GABRA4: variants seen among roughly 807,000 people sequenced by gnomAD.
GABRA4 encodes the protein gamma-aminobutyric acid type A receptor subunit alpha4.
GABRA4 carries 12 observed loss-of-function variants against 49.7 expected under a neutral mutation model. The ratio of observed to expected loss-of-function variants is 0.24; its 90% CI spans 0.15 to 0.39. The LOEUF (loss-of-function observed/expected upper bound fraction) is 0.39. Ranked by LOEUF, GABRA4 falls within the 10% of genes least tolerant of loss-of-function variation. GABRA4 has a pLI of 1.00. For synonymous variants in GABRA4, 288 were observed against 240.2 expected, an observed-to-expected ratio of 1.20 and a Z score of -1.84; for missense variants, 506 against 686.0, an observed-to-expected ratio of 0.74 and a Z score of 2.93.
chr4:46,921,953 C>T lies in GABRA4; in HGVS notation c.*6272G>A, dbSNP rs1297026795. ...GATTTCAATAAGTATCATTATCCTG[C>T]GATGTTTCAAACAAAGATGGTTTGT... is the stretch of plus-strand genomic sequence containing the variant. On this transcript the variant is annotated 3_prime_UTR_variant, in exon 9 of 9. Coordinates refer to ENST00000264318, the MANE Select transcript of GABRA4 (RefSeq NM_000809.4). 1.3e-5 allele frequency: 2 copies of T among 151,808 alleles called. No individual in the cohort carries two copies. Among genetic ancestry groups the T allele is most frequent in the Admixed American group, 6.6e-5 (1 of 15,216 alleles). The allele number at this position is 151,808 out of a possible 1,614,324, so 9.4% of individuals were successfully genotyped here.
chr4:46,962,728 C>G (rs138090395), intron 8 of GABRA4, among the ~76,000 whole-genome samples: 2 of 151,874 alleles, frequency 1.3e-5, no homozygotes, highest in African/African-American at 4.8e-5. Context: ...CTGTAATAAT[C>G]AAAACAACAT....
intron 8 of GABRA4, among the ~76,000 whole-genome samples, chr4:46,948,667 T>C (rs576880817): frequency 1.3e-5 from 2 of 152,256 alleles, no homozygotes; most frequent in African/African-American, 4.8e-5. Flanking sequence ...CTACCCCAAA[T>C]GTAACACTTG....
intron 8 of GABRA4, among the ~76,000 whole-genome samples, chr4:46,948,300 A>G (rs1722051663): frequency 6.6e-6 from 1 of 152,078 alleles, no homozygotes; most frequent in Non-Finnish European, 1.5e-5. Flanking sequence ...TTGGAAACCT[A>G]TTAAACTTTA....
chr4:46,963,722 A>G (rs10024828), intron 8 of GABRA4, among the ~76,000 whole-genome samples: 79,099 of 151,732 alleles, frequency 0.52, 20,948 homozygotes, highest in East Asian at 0.7. Flanking sequence ...ATCACTGATC[A>G]TCAGAGAAAT....
chr4:46,972,496 A>G (rs1025668143), intron 6 of GABRA4, among the ~76,000 whole-genome samples: 2 of 151,644 alleles, frequency 1.3e-5, no homozygotes, highest in African/African-American at 2.4e-5. Context: ...ATACAGCTTG[A>G]TGAGTTTGGA....
At chr4:46,962,106 C>T in intron 8 of GABRA4, among the ~76,000 whole-genome samples, 1 of 151,842 alleles carries the variant, frequency 6.6e-6, no homozygotes, top group Non-Finnish European at 1.5e-5. Context: ...AACTATCTAA[C>T]TTCTTGCTTA....
chr4:46,935,904 A>ATAAAT lies in GABRA4; in HGVS notation c.1135-7154_1135-7150dup, dbSNP rs534483243. Among the ~76,000 whole-genome samples, 558 of 152,338 alleles carry ATAAAT rather than the reference A, an allele frequency of 3.7e-3. 3 individuals carry two copies. The highest frequency in any genetic ancestry group is 0.012 in the African/African-American group (513 of 41,586). ...TGGTGACAATGAGAAATAAATACAA[A>ATAAAT]TAAATACAAAATGCAATAGAAAAAT... On this transcript the variant is annotated intron_variant, in intron 8 of 8. Transcript: ENST00000264318.
At chr4:46,930,020 T>C (rs1721375350) in intron 8 of GABRA4, among the ~76,000 whole-genome samples, 1 of 152,140 alleles carries the variant, frequency 6.6e-6, no homozygotes, top group Non-Finnish European at 1.5e-5. Context: ...TTTTTTAGTA[T>C]ACTCATCTAG....
chr4:46,928,991 ATAAT>A (rs1209482377), intron 8 of GABRA4, among the ~76,000 whole-genome samples: 1 of 152,084 alleles, frequency 6.6e-6, no homozygotes, highest in African/African-American at 2.4e-5. Context: ...ATTCTTATAA[ATAAT>A]TAAACCTTAA....
Position 46,927,340 on chromosome 4 carries a change from T to C in GABRA4, c.*885A>G, listed in dbSNP as rs554949203. ...AGGCTGAAAAATATTTTGAATATGT[T>C]GTCAGACTCTAAATAAATGTCCTTC... On this transcript the variant is annotated 3_prime_UTR_variant, in exon 9 of 9. Coordinates refer to ENST00000264318, the MANE Select transcript of GABRA4 (RefSeq NM_000809.4). The C allele has an allele frequency of 2.0e-5, 3 of 152,616 alleles. No homozygotes were observed. Among genetic ancestry groups the C allele is most frequent in the Non-Finnish European group, 4.4e-5 (3 of 67,976 alleles). The allele number at this position is 152,616 out of a possible 1,614,324, so 9.5% of individuals were successfully genotyped here.
intron 8 of GABRA4, among the ~76,000 whole-genome samples, chr4:46,948,879 T>C (rs1722069159): frequency 6.6e-6 from 1 of 152,088 alleles, no homozygotes; most frequent in Non-Finnish European, 1.5e-5. Context: ...ACCTTCATAT[T>C]TGTGATTTTA....
At chr4:46,991,142 C>T (rs540911542) in intron 2 of GABRA4, among the ~76,000 whole-genome samples, 20 of 152,172 alleles carry the variant, frequency 1.3e-4, no homozygotes, top group African/African-American at 4.1e-4. Context: ...GCCGAGATCA[C>T]GCCATTGCAC....
At chr4:46,965,725 C>A (rs1722730639) in intron 7 of GABRA4, among the ~76,000 whole-genome samples, 1 of 151,796 alleles carries the variant, frequency 6.6e-6, no homozygotes, top group African/African-American at 2.4e-5. Flanking sequence ...TGGAGTTAAG[C>A]ATGGCCCACT....
intron 6 of GABRA4, 152 bp from the exon 7 acceptor site, chr4:46,971,387 C>T: frequency 1.5e-6 from 1 of 683,526 alleles, no homozygotes; most frequent in South Asian, 1.8e-5. Flanking sequence ...TATGTAGTTT[C>T]CTAACGAGGG....
At chr4:46,973,945 A>G (rs1723044117) in intron 6 of GABRA4, among the ~76,000 whole-genome samples, 1 of 151,840 alleles carries the variant, frequency 6.6e-6, no homozygotes, top group South Asian at 2.1e-4. Flanking sequence ...CAGACTTCCT[A>G]CCACATAATT....
rs1409273607 is a variant in GABRA4 at position 46,927,206 on chromosome 4, T to C, written c.*1019A>G. 6.6e-6 allele frequency: 1 copy of C among 152,450 alleles called. No homozygotes were observed. Among genetic ancestry groups the C allele is most frequent in the Non-Finnish European group, 1.5e-5 (1 of 67,952 alleles). The allele number at this position is 152,450 out of a possible 1,614,324, so 9.4% of individuals were successfully genotyped here. ...TCAAGTACATAATGCTTTTCACTTA[T>C]AGAACAATCTGTACCATATTCTCAT... On this transcript the variant is annotated 3_prime_UTR_variant, in exon 9 of 9. Coordinates refer to ENST00000264318, the MANE Select transcript of GABRA4 (RefSeq NM_000809.4).
intron 8 of GABRA4, among the ~76,000 whole-genome samples, chr4:46,958,110 A>G (rs925991728): frequency 6.6e-6 from 1 of 152,020 alleles, no homozygotes; most frequent in East Asian, 1.9e-4. Context: ...TAAATGCCAT[A>G]GAATTGTGTT....
At chr4:46,964,587 C>T (rs1722686613) in intron 8 of GABRA4, among the ~76,000 whole-genome samples, 1 of 151,692 alleles carries the variant, frequency 6.6e-6, no homozygotes, top group Admixed American at 6.6e-5. Flanking sequence ...TTTAAAGACA[C>T]AAACAAAAAC....
At chr4:46,952,213 A>G (rs1404099707) in intron 8 of GABRA4, among the ~76,000 whole-genome samples, 1 of 152,042 alleles carries the variant, frequency 6.6e-6, no homozygotes, top group South Asian at 2.1e-4. Flanking sequence ...ACTGAGGGAG[A>G]AGGAATATAG....
Sources: allele counts gnomAD v4.1 joint callset (sites outside exome capture counted in the v4.1 genomes callset), GRCh38; gene constraint gnomAD v4.1.1; transcripts MANE v1.5; gene names NCBI Gene and HGNC (gene_info 2026-07-23, HGNC 2026-07-21).